Variants in MLLT3 observed in about 807,000 individuals in gnomAD.
MLLT3 encodes the protein MLLT3 super elongation complex subunit.
A neutral mutation model predicts 53.2 loss-of-function variants in MLLT3; 4 were observed. The ratio of observed to expected loss-of-function variants is 0.08; its 90% CI spans 0.04 to 0.17. MLLT3 has a LOEUF of 0.17. MLLT3 is among the 10% of genes least tolerant of loss of function. MLLT3 has a pLI of 1.00. For missense variants in MLLT3, 569 were observed against 684.0 expected (o/e 0.83, Z 1.87); for synonymous variants, 283 against 230.6 (o/e 1.23, Z -2.06).
Position 20,345,036 on chromosome 9 carries a change from T to C in MLLT3, c.*1407A>G, listed in dbSNP as rs758659602. The C allele has an allele frequency of 9.2e-6, 2 of 216,392 alleles. No homozygotes were observed. The highest frequency in any genetic ancestry group is 1.9e-5 in the Non-Finnish European group (2 of 107,418). 13.4% of individuals were successfully genotyped at this position (216,392 alleles called of 1,614,324 possible). On this transcript the variant is annotated 3_prime_UTR_variant, in exon 11 of 11. Transcript: ENST00000380338. ...TTCATTTCTCCACTTATGGAGAAGA[T>C]GGAATAATGACACCAAAAGTACTTT...
intron 2 of MLLT3, among the ~76,000 whole-genome samples, chr9:20,549,945 C>G (rs1048895660): frequency 6.6e-6 from 1 of 152,198 alleles, no homozygotes; most frequent in African/African-American, 2.4e-5. Context: ...CCCTCTGCAC[C>G]TCAAGAATTT....
chr9:20,533,085 G>C (rs950584303), intron 2 of MLLT3: 1 of 248,030 alleles, frequency 4.0e-6, no homozygotes, highest in Non-Finnish European at 8.0e-6. Flanking sequence ...TCGTAAAATG[G>C]GGGTCCCTTA....
intron 2 of MLLT3, among the ~76,000 whole-genome samples, chr9:20,550,720 A>G (rs1163285199): frequency 1.3e-5 from 2 of 151,966 alleles, no homozygotes; most frequent in Non-Finnish European, 2.9e-5. Flanking sequence ...TTAATATGAT[A>G]AAGCTTGTTT....
At chr9:20,514,323 A>G (rs971661019) in intron 2 of MLLT3, among the ~76,000 whole-genome samples, 2 of 152,116 alleles carry the variant, frequency 1.3e-5, no homozygotes, top group Non-Finnish European at 2.9e-5. Context: ...GTCATCTCCA[A>G]TGGAGAGGTC....
intron 2 of MLLT3, among the ~76,000 whole-genome samples, chr9:20,510,613 G>GAAAA (rs36032614): frequency 2.8e-5 from 3 of 105,960 alleles, no homozygotes; most frequent in East Asian, 2.7e-4. Flanking sequence ...CTCCATCTCA[G>GAAAA]AAAAAAAAAA....
chr9:20,565,967 TTTATA>T (rs1819356492), intron 2 of MLLT3, among the ~76,000 whole-genome samples: 2 of 38,962 alleles, frequency 5.1e-5, no homozygotes, highest in East Asian at 7.0e-4. Flanking sequence ...TATATATATA[TTTATA>T]TATATATATA....
At chr9:20,468,249 C>T (rs1387967113) in intron 2 of MLLT3, among the ~76,000 whole-genome samples, 1 of 152,290 alleles carries the variant, frequency 6.6e-6, no homozygotes, top group East Asian at 1.9e-4. Context: ...ATTTTTTGGA[C>T]TTCTTCCCCC....
intron 2 of MLLT3, among the ~76,000 whole-genome samples, chr9:20,560,819 A>C (rs1819184474): frequency 6.6e-6 from 1 of 152,100 alleles, no homozygotes; most frequent in Admixed American, 6.6e-5. Context: ...TTTATGGGGT[A>C]CATGTGAGTA....
At chr9:20,440,191 C>T (rs944392296) in intron 4 of MLLT3, among the ~76,000 whole-genome samples, 8 of 152,068 alleles carry the variant, frequency 5.3e-5, no homozygotes, top group African/African-American at 1.4e-4. Flanking sequence ...CAAACCTAAG[C>T]CCAAGGTAAA....
In MLLT3 at chr9:20,594,802, A is replaced by T. The variant is rs540326461; in HGVS notation, c.193+25852T>A. Among the ~76,000 whole-genome samples, 4 of 152,314 alleles carry T rather than the reference A, an allele frequency of 2.6e-5. 1 individual carries two copies. Among genetic ancestry groups the T allele is most frequent in the African/African-American group, 9.6e-5 (4 of 41,574 alleles). On this transcript the variant is annotated intron_variant, in intron 2 of 10. Coordinates refer to ENST00000380338, the MANE Select transcript of MLLT3 (RefSeq NM_004529.4). ...GTAAAAGACACTCCCACCAATGCCA[A>T]GATAGTTTACAAATGCCACAGCAAT... is the stretch of plus-strand genomic sequence containing the variant.
At position 20,575,499 on chromosome 9, in the gene MLLT3, T is replaced by C. The variant is rs970876221; in HGVS notation, c.193+45155A>G. ...GCATTTATAATGTATACATTCATAA[T>C]GAATTTCTTAAATAACAAAACTTGA... On this transcript the variant is annotated intron_variant, in intron 2 of 10. Coordinates refer to ENST00000380338, the MANE Select transcript of MLLT3 (RefSeq NM_004529.4). Among the ~76,000 whole-genome samples, 9 of 152,312 alleles carry C rather than the reference T, an allele frequency of 5.9e-5. No homozygotes were observed. In the South Asian group the frequency reaches 1.9e-3, roughly 32 times the overall value.
At chr9:20,445,369 G>A (rs1174964224) in intron 4 of MLLT3, among the ~76,000 whole-genome samples, 1 of 151,976 alleles carries the variant, frequency 6.6e-6, no homozygotes, top group Non-Finnish European at 1.5e-5. Context: ...ACCAAGTTTT[G>A]AGACTATTTA....
chr9:20,455,599 G>C (rs2118859502), intron 3 of MLLT3, among the ~76,000 whole-genome samples: 1 of 152,096 alleles, frequency 6.6e-6, no homozygotes, highest in East Asian at 1.9e-4. Context: ...GCACTGGTTT[G>C]GATAACATGA....
At chr9:20,512,588 CT>C (rs1382421623) in intron 2 of MLLT3, among the ~76,000 whole-genome samples, 1 of 152,182 alleles carries the variant, frequency 6.6e-6, no homozygotes, top group Non-Finnish European at 1.5e-5. Flanking sequence ...TGTTTTTATC[CT>C]ATACACCCCC....
chr9:20,415,160 A>G (rs1032379324), intron 4 of MLLT3, among the ~76,000 whole-genome samples: 1 of 152,204 alleles, frequency 6.6e-6, no homozygotes, highest in Non-Finnish European at 1.5e-5. Context: ...ATAAAAAGCA[A>G]TTATTTTTAT....
Position 20,504,721 on chromosome 9 carries a change from A to C in MLLT3, c.194-47935T>G, listed in dbSNP as rs548735301. ...ATGTATTTTATTTTGAAAAACATTA[A>C]GGGGATTTTAAGTCTTCTCACCACA... On this transcript the variant is annotated intron_variant, in intron 2 of 10. Transcript: ENST00000380338. Among the ~76,000 whole-genome samples the C allele has an allele frequency of 9.9e-5, 15 of 152,252 alleles. No homozygotes were observed. The South Asian group carries it at 3.1e-3, about 32-fold the overall frequency.
At position 20,446,537 on chromosome 9, in the gene MLLT3, G is replaced by A. The variant is rs183288352; in HGVS notation, c.420+1586C>T. ...TTGTGTCATATTTACGTTTTCCTAC[G>A]ACCCTTATCAGAAGCATGACGTACT... On this transcript the variant is annotated intron_variant, in intron 4 of 10. Coordinates refer to ENST00000380338, the MANE Select transcript of MLLT3 (RefSeq NM_004529.4). Among the ~76,000 whole-genome samples, 18 of 152,124 alleles carry A rather than the reference G, an allele frequency of 1.2e-4. No individual in the cohort carries two copies. In the East Asian group the frequency reaches 1.5e-3, roughly 13 times the overall value.
chr9:20,403,674 TCAA>T (rs1822510482), intron 5 of MLLT3, among the ~76,000 whole-genome samples: 1 of 152,116 alleles, frequency 6.6e-6, no homozygotes, highest in Admixed American at 6.6e-5. Flanking sequence ...CACCACAAGA[TCAA>T]CAAGTCTGAG....
intron 2 of MLLT3, among the ~76,000 whole-genome samples, chr9:20,574,176 T>C (rs925640981): frequency 3.3e-5 from 5 of 152,328 alleles, no homozygotes; most frequent in South Asian, 4.1e-4. Flanking sequence ...TCCTAGGTGA[T>C]AATGCCCGGA....
Sources: gnomAD v4.1 joint callset for allele counts (sites outside exome capture counted in the v4.1 genomes callset) on GRCh38, gnomAD v4.1.1 for gene constraint, MANE v1.5 for transcripts, NCBI Gene and HGNC (gene_info 2026-07-23, HGNC 2026-07-21) for gene names.